POLQ: variants seen among roughly 807,000 people sequenced by gnomAD.
POLQ encodes the protein epididymis secretory sperm binding protein.
In POLQ, 233 loss-of-function variants were observed where a neutral mutation model predicts 259.2. The ratio of observed to expected loss-of-function variants is 0.90; its 90% CI spans 0.81 to 1.00. The LOEUF (loss-of-function observed/expected upper bound fraction) is 1.00, where lower values mean the gene tolerates loss of function less well. POLQ is among the 50% of genes least tolerant of loss of function. The pLI is 0.00. For synonymous variants in POLQ, 1,025 were observed against 1,048.8 expected, an observed-to-expected ratio of 0.98 and a Z score of 0.44; for missense variants, 2,871 against 3,051.6, an observed-to-expected ratio of 0.94 and a Z score of 1.39.
intron 6 of POLQ, among the ~76,000 whole-genome samples, chr3:121,531,009 G>A (rs1053760567): frequency 5.9e-5 from 9 of 152,232 alleles, no homozygotes; most frequent in Admixed American, 4.6e-4. Context: ...CCAACATGGA[G>A]AAGCTCCGCC....
chr3:121,509,794 T>G, intron 11 of POLQ, 91 bp from the exon 12 acceptor site: 1 of 1,279,678 alleles, frequency 7.8e-7, no homozygotes, highest in Non-Finnish European at 1.1e-6. Context: ...ATGCTAACCC[T>G]CCCGGCTGAT....
At chr3:121,449,617 T>C (rs2047656996) in intron 25 of POLQ, among the ~76,000 whole-genome samples, 191 bp from the exon 26 acceptor site, 1 of 152,190 alleles carries the variant, frequency 6.6e-6, no homozygotes, top group South Asian at 2.1e-4. Context: ...CAGCATTACT[T>C]TTTGAGAGAG....
intron 29 of POLQ, 54 bp from the exon 30 acceptor site, chr3:121,432,471 A>G: frequency 3.8e-6 from 6 of 1,569,076 alleles, no homozygotes; most frequent in African/African-American, 1.4e-5. Context: ...AATGTTTCCC[A>G]AACCATCCCC....
chr3:121,501,401 T>C (rs2048166431), intron 12 of POLQ, among the ~76,000 whole-genome samples: 1 of 151,642 alleles, frequency 6.6e-6, no homozygotes, highest in Non-Finnish European at 1.5e-5. Context: ...GGCTCACGCC[T>C]GTAATCCCAG....
chr3:121,488,991 C>T lies in POLQ; in HGVS notation c.3940G>A (p.Val1314Ile), dbSNP rs771712648. 1.2e-6 allele frequency: 2 copies of T among 1,613,370 alleles called. No individual in the cohort carries two copies. The highest frequency in any genetic ancestry group is 1.7e-6 in the Non-Finnish European group (2 of 1,179,402). ...KNNHVSDLGL[V>I]LCDFEDSFYL... The stretch of plus-strand genomic sequence containing the variant: ...AAACTATCTTCAAAATCACAGAGGA[C>T]TAAACCTAAGTCAGAAACATGATTA... Residue 1314 changes from valine to isoleucine, a missense_variant, in exon 16 of 30, where the codon GTC (valine) becomes ATC (isoleucine). This residue lies in a region of POLQ where 2,080 missense variants were observed against 2,126.0 expected (regional missense o/e 0.98). Transcript: ENST00000264233.
intron 10 of POLQ, among the ~76,000 whole-genome samples, chr3:121,510,518 G>A (rs1255629640): frequency 1.3e-5 from 2 of 151,768 alleles, no homozygotes; most frequent in African/African-American, 2.4e-5. Flanking sequence ...CGAAGCTTGC[G>A]GTGAGCCAAG....
At chr3:121,541,867 G>C (rs138727117) in intron 2 of POLQ, among the ~76,000 whole-genome samples, 2 of 152,092 alleles carry the variant, frequency 1.3e-5, no homozygotes, top group African/African-American at 4.8e-5. Context: ...GCTCATGCCT[G>C]TAATCCCAGC....
chr3:121,460,543 T>C (rs1173984034), intron 24 of POLQ, among the ~76,000 whole-genome samples: 2 of 152,220 alleles, frequency 1.3e-5, no homozygotes, highest in Non-Finnish European at 2.9e-5. Flanking sequence ...GGTGCTTTCA[T>C]GCCTCTCTTA....
In POLQ at chr3:121,516,825, C is replaced by G. The variant is rs2048301104; in HGVS notation, c.1468+3046G>C. Among the ~76,000 whole-genome samples the G allele has an allele frequency of 2.0e-5, 3 of 152,176 alleles. No individual in the cohort carries two copies. The South Asian group carries it at 6.2e-4, about 32-fold the overall frequency. ...CATAGTGAATATAAACCACTATATT[C>G]CTACATTCTTCATTAGCTTGAAGTT... On this transcript the variant is annotated intron_variant, in intron 9 of 29. Coordinates refer to ENST00000264233, the MANE Select transcript of POLQ (RefSeq NM_199420.4).
Position 121,489,444 on chromosome 3 carries a change from C to G in POLQ, c.3487G>C (p.Val1163Leu), listed in dbSNP as rs1238784117. Residue 1163 changes from valine (V) to leucine (L), a missense_variant, in exon 16 of 30, where the codon GTT (valine) becomes CTT (leucine). Val to Leu is a conservative substitution (Grantham distance 32, BLOSUM62 1). This residue lies in a region of POLQ where 2,080 missense variants were observed against 2,126.0 expected (regional missense o/e 0.98). Transcript: ENST00000264233. ...VVSEKGRGVA[V>L]EAEKINEVLI... ...ACTTCATTTATTTTTTCTGCCTCAA[C>G]AGCTACTCCTCTGCCCTTTTCACTA... 2 of 1,613,916 alleles carry G rather than the reference C, an allele frequency of 1.2e-6. No homozygotes were observed. The highest frequency in any genetic ancestry group is 1.7e-6 in the Non-Finnish European group (2 of 1,179,986).
intron 3 of POLQ, among the ~76,000 whole-genome samples, 173 bp downstream of exon 3, chr3:121,541,176 C>G (rs1431066888): frequency 6.6e-6 from 1 of 152,238 alleles, no homozygotes; most frequent in Non-Finnish European, 1.5e-5. Flanking sequence ...CTACCACACC[C>G]AGCCCCTTGC....
At position 121,432,311 on chromosome 3, in the gene POLQ, T is replaced by A; in HGVS notation, c.7766A>T (p.Asp2589Val). 1.9e-6 allele frequency: 3 copies of A among 1,599,870 alleles called. No homozygotes were observed. Among genetic ancestry groups the A allele is most frequent in the Non-Finnish European group, 2.6e-6 (3 of 1,174,144 alleles). The change falls in exon 30 of 30, where the codon GAT (aspartate) becomes GTT (valine). Residue 2589 changes from aspartate to valine, a missense_variant. Physicochemically the swap from Asp to Val is radical, Grantham distance 152. Transcript: ENST00000264233. ...ACTTCATCAACAGCACAGTTACACA[T>A]CAAAGTCCTTTAGCTCTCCCCAGCT... The part of the protein sequence containing the change: ...GASWGELKDF[D>V]V
chr3:121,432,269 C>T lies in POLQ; in HGVS notation c.*35G>A. ...TTCTTTCCAGGTGACTGCATCTGCACAGGCTTCCCTGGGAGGACTTCATCA... is the reference window on the plus strand; with the variant it reads ...TTCTTTCCAGGTGACTGCATCTGCATAGGCTTCCCTGGGAGGACTTCATCA... On this transcript the variant is annotated 3_prime_UTR_variant, in exon 30 of 30. Transcript: ENST00000264233. 1 of 1,566,094 alleles carries T rather than the reference C, an allele frequency of 6.4e-7. No individual in the cohort carries two copies. The highest frequency in any genetic ancestry group is 8.6e-7 in the Non-Finnish European group (1 of 1,161,690).
chr3:121,488,319 C>G lies in POLQ; in HGVS notation c.4612G>C (p.Val1538Leu). The G allele has an allele frequency of 1.2e-6, 2 of 1,612,626 alleles. No individual in the cohort carries two copies. Among genetic ancestry groups the G allele is most frequent in the Non-Finnish European group, 1.7e-6 (2 of 1,179,438 alleles). Residue 1538 changes from valine to leucine, a missense_variant, in exon 16 of 30, where the codon GTA becomes CTA. Physicochemically the swap from Val to Leu is conservative, Grantham distance 32 (BLOSUM62 1). Around this residue, in one of 3 missense-constraint regions of POLQ, gnomAD observed 2,080 missense variants for 2,126.0 expected, o/e 0.98. Coordinates refer to ENST00000264233, the MANE Select transcript of POLQ (RefSeq NM_199420.4). ...LQEDLIKKSN[V>L]NENQDTHQQL... Reference sequence around the variant, plus strand: ...TGGTGGGTATCTTGATTCTCATTTACATTTGATTTTTTAATTAGGTCTTCT... The same window carrying G: ...TGGTGGGTATCTTGATTCTCATTTAGATTTGATTTTTTAATTAGGTCTTCT...
chr3:121,495,611 G>A lies in POLQ; in HGVS notation c.2278+1197C>T, dbSNP rs146803601. On this transcript the variant is annotated intron_variant, in intron 14 of 29. Coordinates refer to ENST00000264233, the MANE Select transcript of POLQ (RefSeq NM_199420.4). Reference sequence around the variant, plus strand: ...TGTAATCCCAGTACTTTAGGAGGCCGAGGCGGGTGGTCCACGAGGTCAGGA... The same window carrying A: ...TGTAATCCCAGTACTTTAGGAGGCCAAGGCGGGTGGTCCACGAGGTCAGGA... Among the ~76,000 whole-genome samples the A allele has an allele frequency of 4.6e-5, 7 of 151,920 alleles. No individual in the cohort carries two copies. In the East Asian group the frequency reaches 7.8e-4, roughly 17 times the overall value.
chr3:121,478,098 C>T (rs1309438581), intron 19 of POLQ, among the ~76,000 whole-genome samples: 3 of 151,930 alleles, frequency 2.0e-5, no homozygotes, highest in Non-Finnish European at 2.9e-5. Flanking sequence ...GGAATGGAGT[C>T]CCATAGCAAA....
Position 121,460,241 on chromosome 3 carries a change from T to C in POLQ, c.6968-7A>G. 6.2e-7 allele frequency: 1 copy of C among 1,603,026 alleles called. No homozygotes were observed. On this transcript the variant is annotated splice_polypyrimidine_tract_variant and splice_region_variant and intron_variant, in intron 24 of 29. Transcript: ENST00000264233. ...GCAGCCAGTATTGAACCACCTGAAG[T>C]AGAAGTGATTTCAGAAAAGCTAGTA...
intron 24 of POLQ, among the ~76,000 whole-genome samples, chr3:121,460,937 C>G (rs960668162): frequency 6.6e-6 from 1 of 152,170 alleles, no homozygotes; most frequent in Non-Finnish European, 1.5e-5. Flanking sequence ...TCACAAAAGA[C>G]TCATTGCCCT....
At chr3:121,510,364 T>G (rs1576421617) in intron 10 of POLQ, 121 bp from the exon 11 acceptor site, 1 of 654,126 alleles carries the variant, frequency 1.5e-6, no homozygotes, top group Non-Finnish European at 2.7e-6. Context: ...GATCACGAGG[T>G]CTGGAGATGG....
Sources: allele counts gnomAD v4.1 joint callset (sites outside exome capture counted in the v4.1 genomes callset), GRCh38; gene constraint gnomAD v4.1.1; regional missense constraint gnomAD v4.1.1; transcripts MANE v1.5; gene names NCBI Gene and HGNC (gene_info 2026-07-23, HGNC 2026-07-21).